NHS: variants seen among roughly 807,000 people sequenced by gnomAD.
NHS encodes NHS actin remodeling regulator.
A neutral mutation model predicts 72.5 loss-of-function variants in NHS; 5 were observed. The observed-to-expected ratio is 0.07, with a 90% confidence interval of 0.04 to 0.14. The LOEUF is 0.14. Among genes scored for constraint, NHS ranks in the 10% least tolerant of loss-of-function variants. The pLI is 1.00. For synonymous variants in NHS, 464 were observed against 547.7 expected, an observed-to-expected ratio of 0.85 and a Z score of 2.13; for missense variants, 1,072 against 1,355.7, an observed-to-expected ratio of 0.79 and a Z score of 3.29.
intron 1 of NHS, among the ~76,000 whole-genome samples, chrX:17,598,470 T>G (rs1437650899): frequency 8.9e-6 from 1 of 112,490 alleles, no homozygotes; most frequent in African/African-American, 3.2e-5. Context: ...AAGAAAACTT[T>G]TATTTAAAAA....
rs188699231 is a variant in NHS, at chrX:17,542,347, G to A, written c.566-145395G>A. Among the ~76,000 whole-genome samples, 5 of 113,355 alleles carry A rather than the reference G, an allele frequency of 4.4e-5. No individual in the cohort carries two copies. The East Asian group carries it at 1.4e-3, about 32-fold the overall frequency. On this transcript the variant is annotated intron_variant, in intron 1 of 8. Coordinates refer to ENST00000676302, the MANE Select transcript of NHS (RefSeq NM_001291867.2). ...CTGCTGCGGCAAAGCAGCCCACTGG[G>A]GAAACTTGGCATCACTGCCTGGCAC...
At chrX:17,508,860 G>A (rs2065072184) in intron 1 of NHS, among the ~76,000 whole-genome samples, 1 of 111,761 alleles carries the variant, frequency 8.9e-6, no homozygotes, top group South Asian at 3.6e-4. Context: ...ACATTTGTGT[G>A]TGTATTTGCT....
chrX:17,725,210 T>C (rs766445788), intron 6 of NHS, 137 bp from the exon 7 acceptor site: 63 of 518,489 alleles, frequency 1.2e-4, no homozygotes, highest in Non-Finnish European at 2.0e-4. Context: ...CCTAATTCTA[T>C]ATATTGATTT....
intron 1 of NHS, among the ~76,000 whole-genome samples, chrX:17,572,325 A>T (rs1419266014): frequency 9.2e-6 from 1 of 108,165 alleles, no homozygotes; most frequent in Non-Finnish European, 1.9e-5. Context: ...ATCTCTAAGG[A>T]CTTGCTTTAT....
At chrX:17,654,288 T>C (rs1406340148) in intron 1 of NHS, among the ~76,000 whole-genome samples, 1 of 111,328 alleles carries the variant, frequency 9.0e-6, no homozygotes, top group Admixed American at 9.5e-5. Context: ...TGCATGGCTG[T>C]CTTCTCACCT....
At chrX:17,601,833 G>T (rs2065651312) in intron 1 of NHS, among the ~76,000 whole-genome samples, 1 of 111,734 alleles carries the variant, frequency 8.9e-6, no homozygotes, top group Non-Finnish European at 1.9e-5. Flanking sequence ...CGATACTCTG[G>T]GAAACACTGT....
intron 1 of NHS, among the ~76,000 whole-genome samples, chrX:17,473,834 A>AT (rs1184144323): frequency 8.9e-6 from 1 of 112,011 alleles, no homozygotes; most frequent in Non-Finnish European, 1.9e-5. Context: ...TCCTTTAAAA[A>AT]TTTTTTTATG....
intron 1 of NHS, among the ~76,000 whole-genome samples, chrX:17,572,672 G>A (rs763514517): frequency 9.1e-6 from 1 of 109,817 alleles, no homozygotes; most frequent in East Asian, 2.9e-4. Context: ...CATTTAGCCC[G>A]TTTACATTTA....
intron 1 of NHS, among the ~76,000 whole-genome samples, chrX:17,594,099 C>T (rs1319792114): frequency 8.9e-6 from 1 of 111,848 alleles, no homozygotes; most frequent in Non-Finnish European, 1.9e-5. Context: ...ATTTAATCTT[C>T]CCAACAACTC....
chrX:17,391,983 C>T (rs1414587007), intron 1 of NHS, among the ~76,000 whole-genome samples: 1 of 111,981 alleles, frequency 8.9e-6, no homozygotes, highest in African/African-American at 3.2e-5. Context: ...CCTAGGTGTT[C>T]ACCAACTCCT....
chrX:17,678,644 A>G (rs998150622), intron 1 of NHS, among the ~76,000 whole-genome samples: 5 of 110,509 alleles, frequency 4.5e-5, no homozygotes, highest in African/African-American at 1.7e-4. Context: ...CTGTGATCCA[A>G]TCACCTCCCA....
At chrX:17,500,661 C>T (rs746743232) in intron 1 of NHS, among the ~76,000 whole-genome samples, 112 of 111,951 alleles carry the variant, frequency 1.0e-3, no homozygotes, top group African/African-American at 3.5e-3. Flanking sequence ...GAGCTTTAAG[C>T]GGTAACTTGA....
chrX:17,503,607 C>T (rs1056607736), intron 1 of NHS, among the ~76,000 whole-genome samples: 1 of 111,716 alleles, frequency 9.0e-6, no homozygotes, highest in African/African-American at 3.3e-5. Flanking sequence ...AGTCCCAGCT[C>T]AGAACCACTA....
intron 1 of NHS, among the ~76,000 whole-genome samples, chrX:17,539,328 G>A (rs1309928688): frequency 3.7e-5 from 4 of 109,529 alleles, no homozygotes; most frequent in Admixed American, 9.9e-5. Flanking sequence ...CTGCTTGATG[G>A]TTCTCCACAG....
intron 1 of NHS, among the ~76,000 whole-genome samples, chrX:17,650,757 A>C (rs2065927259): frequency 8.9e-6 from 1 of 112,721 alleles, no homozygotes; most frequent in Non-Finnish European, 1.9e-5. Context: ...ATAGGAGTCA[A>C]TTAAGATCTG....
chrX:17,418,099 G>T (rs1343315464), intron 1 of NHS, among the ~76,000 whole-genome samples: 1 of 111,759 alleles, frequency 8.9e-6, no homozygotes, highest in East Asian at 2.8e-4. Context: ...CTCCTCTTAA[G>T]CATGAAGCCT....
chrX:17,526,132 G>A (rs1375184467), intron 1 of NHS, among the ~76,000 whole-genome samples: 1 of 112,932 alleles, frequency 8.9e-6, no homozygotes, highest in Non-Finnish European at 1.9e-5. Context: ...GGTTAAAAGA[G>A]TATAGTTAAT....
chrX:17,620,174 T>C (rs1423579180), intron 1 of NHS, among the ~76,000 whole-genome samples: 1 of 111,288 alleles, frequency 9.0e-6, no homozygotes, highest in Non-Finnish European at 1.9e-5. Flanking sequence ...CAATAGGAAA[T>C]ATAAGAAGGG....
intron 1 of NHS, among the ~76,000 whole-genome samples, chrX:17,481,123 G>A (rs755054096): frequency 8.9e-6 from 1 of 111,826 alleles, no homozygotes; most frequent in East Asian, 2.8e-4. Context: ...CTTCTTGCTG[G>A]TATGGGTTAT....
Sources: allele counts gnomAD v4.1 joint callset (sites outside exome capture counted in the v4.1 genomes callset), GRCh38; gene constraint gnomAD v4.1.1; transcripts MANE v1.5; gene names NCBI Gene and HGNC (gene_info 2026-07-23, HGNC 2026-07-21).